PRKACA: variants seen among roughly 807,000 people sequenced by gnomAD.
PRKACA encodes protein kinase cAMP-activated catalytic subunit alpha.
Under a neutral mutation model 45.8 loss-of-function variants are expected in PRKACA, and 9 were observed. That is an observed-to-expected ratio of 0.20 (90% CI 0.12 to 0.34). The LOEUF is 0.34. Ranked by LOEUF, PRKACA falls within the 10% of genes least tolerant of loss-of-function variation. PRKACA has a pLI of 1.00. For missense variants in PRKACA, 238 were observed against 458.6 expected, an observed-to-expected ratio of 0.52 and a Z score of 4.39; for synonymous variants, 160 against 178.6, an observed-to-expected ratio of 0.90 and a Z score of 0.83.
chr19:14,106,709 T>A, intron 3 of PRKACA, 51 bp downstream of exon 3: 1 of 1,611,744 alleles, frequency 6.2e-7, no homozygotes. Flanking sequence ...GTGGGCACAG[T>A]CCAGGCAAAG....
intron 4 of PRKACA, 124 bp downstream of exon 4, chr19:14,102,691 AG>A (rs2144459284): frequency 1.2e-6 from 1 of 813,206 alleles, no homozygotes; most frequent in South Asian, 1.5e-5. Flanking sequence ...TCCCTCCTCC[AG>A]GGATCTTGTT....
chr19:14,096,061 C>CA (rs1287737764), intron 8 of PRKACA, among the ~76,000 whole-genome samples: 1 of 116,274 alleles, frequency 8.6e-6, no homozygotes, highest in Non-Finnish European at 1.7e-5. Context: ...TTTTTTGAGA[C>CA]AGAGTCCTGC....
intron 4 of PRKACA, among the ~76,000 whole-genome samples, chr19:14,101,562 T>TAAACA (rs1012782416): frequency 1.9e-4 from 29 of 151,084 alleles, no homozygotes; most frequent in Non-Finnish European, 3.4e-4. Flanking sequence ...GACCTTATCT[T>TAAACA]AAACAAAACA....
intron 9 of PRKACA, among the ~76,000 whole-genome samples, 191 bp downstream of exon 9, chr19:14,093,437 G>C (rs190701974): frequency 9.9e-5 from 15 of 152,282 alleles, no homozygotes; most frequent in African/African-American, 3.6e-4. Flanking sequence ...CCCAGAGAGA[G>C]GCATCTGTTG....
At chr19:14,116,676 C>A (rs1324005494) in intron 1 of PRKACA, among the ~76,000 whole-genome samples, 2 of 152,076 alleles carry the variant, frequency 1.3e-5, no homozygotes, top group African/African-American at 4.8e-5. Context: ...CCCCCTTACC[C>A]CAACGCAGGA....
chr19:14,094,746 G>C (rs1458188142), intron 8 of PRKACA, among the ~76,000 whole-genome samples: 1 of 152,160 alleles, frequency 6.6e-6, no homozygotes, highest in African/African-American at 2.4e-5. Context: ...CTGGGGTCTG[G>C]AGACTTCTGA....
chr19:14,093,066 A>C lies in PRKACA; in HGVS notation c.*46T>G, dbSNP rs1412925586. On this transcript the variant is annotated 3_prime_UTR_variant, in exon 10 of 10. Coordinates refer to ENST00000308677, the MANE Select transcript of PRKACA (RefSeq NM_002730.4). Reference sequence around the variant, plus strand: ...AACCCTCCCACCCCCCCGACCAAAAAAAAGAAAAAAGAAAAAAGAAAACCC... The same window carrying C: ...AACCCTCCCACCCCCCCGACCAAAACAAAGAAAAAAGAAAAAAGAAAACCC... The C allele has an allele frequency of 7.4e-7, 1 of 1,356,200 alleles. No individual in the cohort carries two copies. Among genetic ancestry groups the C allele is most frequent in the South Asian group, 1.6e-5 (1 of 63,160 alleles). 84.0% of individuals were successfully genotyped at this position (1,356,200 alleles called of 1,614,324 possible).
At chr19:14,109,983 TATATATATATATATATAC>T (rs1234197874) in intron 1 of PRKACA, among the ~76,000 whole-genome samples, 3 of 86,970 alleles carry the variant, frequency 3.4e-5, no homozygotes, top group African/African-American at 1.6e-4. Flanking sequence ...TATATATATA[TATATATATATATATATAC>T]ACACACACAC....
intron 1 of PRKACA, among the ~76,000 whole-genome samples, chr19:14,116,013 A>G (rs2144499205): frequency 6.6e-6 from 1 of 152,102 alleles, no homozygotes; most frequent in Admixed American, 6.5e-5. Context: ...AGGCCTCTTC[A>G]TGATCGCTCT....
Position 14,093,709 on chromosome 19 carries a change from C to T in PRKACA, c.849G>A (p.Gly283=). 1 of 1,614,050 alleles carries T rather than the reference C, an allele frequency of 6.2e-7. No homozygotes were observed. The highest frequency in any genetic ancestry group is 8.5e-7 in the Non-Finnish European group (1 of 1,179,976). The part of the protein sequence containing the change: ...LLQVDLTKRF[G]NLKNGVNDIK... ...TATCGTTGACCCCATTCTTGAGGTT[C>T]CCAAAGCGCTTGGTGAGATCTACCT... Residue 283 remains glycine, a synonymous_variant, in exon 9 of 10, where the codon GGG becomes GGA. Transcript: ENST00000308677.
chr19:14,095,624 T>G (rs1170305019), intron 8 of PRKACA, among the ~76,000 whole-genome samples: 1 of 151,984 alleles, frequency 6.6e-6, no homozygotes, highest in Non-Finnish European at 1.5e-5. Context: ...GTTCAAGCAG[T>G]TCTCTGCCTC....
intron 8 of PRKACA, chr19:14,096,415 T>G (rs1977261712): frequency 6.6e-6 from 1 of 150,790 alleles, no homozygotes; most frequent in Non-Finnish European, 1.5e-5. Context: ...CTGGAACTCC[T>G]GGCCTCAAGC....
At chr19:14,093,849 A>G in intron 8 of PRKACA, 57 bp from the exon 9 acceptor site, 3 of 1,523,058 alleles carry the variant, frequency 2.0e-6, no homozygotes, top group Admixed American at 2.0e-5. Flanking sequence ...TGGGAAGCCC[A>G]TGATGCTTCT....
At chr19:14,114,894 T>C (rs1193543757) in intron 1 of PRKACA, among the ~76,000 whole-genome samples, 1 of 152,164 alleles carries the variant, frequency 6.6e-6, no homozygotes, top group Non-Finnish European at 1.5e-5. Flanking sequence ...GATGCTTAAC[T>C]GGTGCCTCCC....
chr19:14,101,008 C>A, intron 4 of PRKACA, 100 bp from the exon 5 acceptor site: 1 of 995,922 alleles, frequency 1.0e-6, no homozygotes, highest in Non-Finnish European at 1.6e-6. Flanking sequence ...CATTAAATGA[C>A]AACAGCGATC....
chr19:14,107,262 A>G, intron 2 of PRKACA, 86 bp downstream of exon 2: 2 of 1,402,754 alleles, frequency 1.4e-6, no homozygotes, highest in Non-Finnish European at 2.0e-6. Context: ...GGGGTTTCTG[A>G]AATTCTAGCT....
Position 14,092,985 on chromosome 19 carries a change from G to T in PRKACA, c.*127C>A. ...CCTGCTCCCCCTAACCCTGGAGGGTGGGGTGGGGGTGAAATTAGATGCAAG... is the reference window on the plus strand; with the variant it reads ...CCTGCTCCCCCTAACCCTGGAGGGTTGGGTGGGGGTGAAATTAGATGCAAG... On this transcript the variant is annotated 3_prime_UTR_variant, in exon 10 of 10. Coordinates refer to ENST00000308677, the MANE Select transcript of PRKACA (RefSeq NM_002730.4). The T allele has an allele frequency of 8.2e-7, 1 of 1,223,338 alleles. No individual in the cohort carries two copies. The highest frequency in any genetic ancestry group is 1.1e-6 in the Non-Finnish European group (1 of 910,822). 75.8% of individuals were successfully genotyped at this position (1,223,338 alleles called of 1,614,324 possible). A position where few individuals can be genotyped will look rare whatever the true frequency, so the allele number is the denominator to read the frequency against.
chr19:14,116,969 G>A (rs41301236), intron 1 of PRKACA, among the ~76,000 whole-genome samples: 1 of 150,988 alleles, frequency 6.6e-6, no homozygotes, highest in Non-Finnish European at 1.5e-5. Flanking sequence ...TGGAAGGGGG[G>A]GCTGTGCTAA....
At chr19:14,117,286 G>C (rs903488013) in intron 1 of PRKACA, among the ~76,000 whole-genome samples, 1 of 151,568 alleles carries the variant, frequency 6.6e-6, no homozygotes, top group East Asian at 2.0e-4. Flanking sequence ...GGGGAGCACG[G>C]TCTTTGCAGC....
Sources: allele counts gnomAD v4.1 joint callset (sites outside exome capture counted in the v4.1 genomes callset), GRCh38; gene constraint gnomAD v4.1.1; transcripts MANE v1.5; gene names NCBI Gene and HGNC (gene_info 2026-07-23, HGNC 2026-07-21).